Variants in ASS1 observed in about 807,000 individuals in gnomAD.
ASS1 encodes argininosuccinate synthase.
A neutral mutation model predicts 60.5 loss-of-function variants in ASS1; 58 were observed. The ratio of observed to expected loss-of-function variants is 0.96; its 90% CI spans 0.78 to 1.19. The LOEUF is 1.19. Ranked by LOEUF, ASS1 falls within the 50% of genes most tolerant of loss-of-function variation. The probability of loss-of-function intolerance (pLI) is 0.00; values close to 1 mark genes in which losing one functional copy is unlikely to be tolerated. For synonymous variants in ASS1, 200 were observed against 206.9 expected, an observed-to-expected ratio of 0.97 and a Z score of 0.29; for missense variants, 454 against 547.3, an observed-to-expected ratio of 0.83 and a Z score of 1.70.
At chr9:130,460,523 G>C (rs924765272) in intron 4 of ASS1, among the ~76,000 whole-genome samples, 1 of 152,224 alleles carries the variant, frequency 6.6e-6, no homozygotes, top group African/African-American at 2.4e-5. Context: ...GCAGCAGGCA[G>C]GGGCTGAGGA....
intron 12 of ASS1, among the ~76,000 whole-genome samples, chr9:130,492,520 A>G (rs1361832494): frequency 1.3e-5 from 2 of 152,002 alleles, no homozygotes; most frequent in African/African-American, 4.8e-5. Context: ...CTCTCCCACC[A>G]TTCCCAAATT....
At chr9:130,446,381 C>A (rs2131861417) in intron 1 of ASS1, among the ~76,000 whole-genome samples, 1 of 152,256 alleles carries the variant, frequency 6.6e-6, no homozygotes, top group South Asian at 2.1e-4. Flanking sequence ...CCATTCCAAA[C>A]TCCCTCTCCC....
At chr9:130,486,035 G>A (rs1280192297) in intron 11 of ASS1, among the ~76,000 whole-genome samples, 1 of 152,134 alleles carries the variant, frequency 6.6e-6, no homozygotes, top group African/African-American at 2.4e-5. Flanking sequence ...CACCGAGGCT[G>A]TAGTGCAGTG....
At chr9:130,500,830 GGA>G (rs1340622007) in intron 14 of ASS1, 144 bp from the exon 15 acceptor site, 10 of 749,050 alleles carry the variant, frequency 1.3e-5, no homozygotes, top group Non-Finnish European at 2.1e-5. Flanking sequence ...GGCCAGGGCG[GGA>G]GAGGGAATAG....
rs547166672 is a variant in ASS1 at position 130,477,695 on chromosome 9, C to T, written c.688+734C>T. ...TCAGAGGGAGGGCTCAGAGGGCGGG[C>T]TCAGAGGGCCTGAAGGGGTACCTTT... On this transcript the variant is annotated intron_variant, in intron 9 of 14. Transcript: ENST00000352480. This position sits in a 1 kb window ranked among gnomAD's most constrained non-coding sequence, Gnocchi z 4.2. Among the ~76,000 whole-genome samples the T allele has an allele frequency of 6.6e-6, 1 of 152,302 alleles. No homozygotes were observed. The highest frequency in any genetic ancestry group is 1.9e-4 in the East Asian group (1 of 5,176).
intron 5 of ASS1, among the ~76,000 whole-genome samples, chr9:130,465,760 G>T (rs563581161): frequency 1.7e-4 from 26 of 152,254 alleles, no homozygotes; most frequent in Non-Finnish European, 2.5e-4. Context: ...GAGGTGAGCC[G>T]TAATGAGCTC....
chr9:130,469,878 T>C (rs999144944), intron 6 of ASS1, among the ~76,000 whole-genome samples: 5 of 152,064 alleles, frequency 3.3e-5, no homozygotes, highest in African/African-American at 1.2e-4. Flanking sequence ...CTGCCTGTGG[T>C]TCCCACAGGG....
At position 130,488,006 on chromosome 9, in the gene ASS1, C is replaced by T. The variant is rs370829375; in HGVS notation, c.839-1327C>T. Among the ~76,000 whole-genome samples the T allele has an allele frequency of 2.6e-4, 39 of 152,194 alleles. No individual in the cohort carries two copies. Among genetic ancestry groups the T allele is most frequent in the African/African-American group, 8.9e-4 (37 of 41,518 alleles). ...CTGACCTGAGGTGATCCACCTGCCT[C>T]GGCCTCCCAAAGTGCTAGAATTATT... On this transcript the variant is annotated intron_variant, in intron 11 of 14. Transcript: ENST00000352480. This position sits in a 1 kb window ranked among gnomAD's most constrained non-coding sequence, Gnocchi z 5.2.
chr9:130,480,139 G>A (rs1297841569), intron 10 of ASS1, among the ~76,000 whole-genome samples: 1 of 152,194 alleles, frequency 6.6e-6, no homozygotes, highest in Non-Finnish European at 1.5e-5. Context: ...CAGGACACAG[G>A]GAACGGAAGG....
intron 5 of ASS1, among the ~76,000 whole-genome samples, chr9:130,465,644 C>T (rs1845721548): frequency 6.6e-6 from 1 of 152,148 alleles, no homozygotes; most frequent in South Asian, 2.1e-4. Flanking sequence ...GTTGCCCCCT[C>T]CTAAGCCCCC....
At chr9:130,466,108 C>A (rs1260530766) in intron 5 of ASS1, among the ~76,000 whole-genome samples, 5 of 152,202 alleles carry the variant, frequency 3.3e-5, no homozygotes, top group Non-Finnish European at 7.3e-5. Context: ...ATCTCCACCC[C>A]CACACACACA....
chr9:130,462,435 A>G lies in ASS1; in HGVS notation c.364-1676A>G, dbSNP rs115406431. Among the ~76,000 whole-genome samples the G allele has an allele frequency of 6.8e-3, 1,039 of 152,274 alleles. 13 individuals carry two copies. The highest frequency in any genetic ancestry group is 0.024 in the African/African-American group (993 of 41,566). On this transcript the variant is annotated intron_variant, in intron 4 of 14. Transcript: ENST00000352480. ...CTTGGGGTTCAGAGGGGGAAGGATT[A>G]GACTGGCCTCCTTGGCTCTTGCCTG...
intron 3 of ASS1, among the ~76,000 whole-genome samples, chr9:130,457,962 C>G (rs1225967275): frequency 6.6e-6 from 1 of 152,060 alleles, no homozygotes; most frequent in Non-Finnish European, 1.5e-5. Flanking sequence ...GGTTCAAGAC[C>G]AACCTGGCCA....
intron 5 of ASS1, among the ~76,000 whole-genome samples, chr9:130,465,898 A>G (rs542407789): frequency 2.6e-5 from 4 of 152,314 alleles, no homozygotes; most frequent in South Asian, 2.1e-4. Flanking sequence ...TTGTGGGGCC[A>G]GGGTGTCCAG....
chr9:130,455,245 T>C (rs1845422956), intron 3 of ASS1, among the ~76,000 whole-genome samples: 1 of 151,136 alleles, frequency 6.6e-6, no homozygotes, highest in Middle Eastern at 3.2e-3. Context: ...CATCCATCCA[T>C]TCATCCATCC....
In ASS1 at chr9:130,494,982, C is replaced by T. The variant is rs749133601; in HGVS notation, c.1086C>T (p.Gly362=). The stretch of plus-strand genomic sequence containing the variant: ...TCAAGGGCCAGGTGTACATCCTCGG[C>T]CGGGAGTCCCCACTGTCTCTCTACA... ...SVLKGQVYIL[G]RESPLSLYNE... is the part of the protein sequence containing the mutation. Residue 362 remains glycine, a synonymous_variant, in exon 13 of 15, where the codon GGC becomes GGT. Coordinates refer to ENST00000352480, the MANE Select transcript of ASS1 (RefSeq NM_054012.4). The surrounding 1 kb of genome is among the most constrained non-coding windows in gnomAD (Gnocchi z 4.3). 1.2e-6 allele frequency: 2 copies of T among 1,613,268 alleles called. No homozygotes were observed. Among genetic ancestry groups the T allele is most frequent in the South Asian group, 1.1e-5 (1 of 91,048 alleles).
At position 130,478,565 on chromosome 9, in the gene ASS1, A is replaced by G. The variant is rs1412053359; in HGVS notation, c.689-1151A>G. ...TGCCCATTCACTCTCTAGTTAATTT[A>G]TTTGAAGTTTTAATCTAATTATTAA... is the stretch of plus-strand genomic sequence containing the variant. On this transcript the variant is annotated intron_variant, in intron 9 of 14. Transcript: ENST00000352480. The surrounding 1 kb of genome is among the most constrained non-coding windows in gnomAD (Gnocchi z 4.7). Among the ~76,000 whole-genome samples the G allele has an allele frequency of 2.6e-5, 4 of 152,216 alleles. No individual in the cohort carries two copies. Among genetic ancestry groups the G allele is most frequent in the Non-Finnish European group, 5.9e-5 (4 of 68,040 alleles).
rs527614991 is a variant in ASS1 at position 130,489,894 on chromosome 9, C to T, written c.970+430C>T. Among the ~76,000 whole-genome samples the T allele has an allele frequency of 2.0e-5, 3 of 152,342 alleles. No homozygotes were observed. Among genetic ancestry groups the T allele is most frequent in the South Asian group, 4.1e-4 (2 of 4,822 alleles). The stretch of plus-strand genomic sequence containing the variant: ...AAGGAAAGCATAAAACCAGAAGTGG[C>T]CTAGCTGGGTTTGACCCCCAAGTCA... On this transcript the variant is annotated intron_variant, in intron 12 of 14. Coordinates refer to ENST00000352480, the MANE Select transcript of ASS1 (RefSeq NM_054012.4). The surrounding 1 kb of genome is among the most constrained non-coding windows in gnomAD (Gnocchi z 4.1).
Position 130,491,792 on chromosome 9 carries a change from G to A in ASS1, c.970+2328G>A, listed in dbSNP as rs1331044719. ...GGAAACAAAATCTCAGAGTGGAGGC[G>A]AGGGAGAGTAGGGGCTTCTTCTGGG... On this transcript the variant is annotated intron_variant, in intron 12 of 14. Transcript: ENST00000352480. The surrounding 1 kb of genome is among the most constrained non-coding windows in gnomAD (Gnocchi z 5.3). Among the ~76,000 whole-genome samples the A allele has an allele frequency of 6.6e-6, 1 of 152,202 alleles. No homozygotes were observed. Among genetic ancestry groups the A allele is most frequent in the Non-Finnish European group, 1.5e-5 (1 of 68,042 alleles).
Sources: gnomAD v4.1 joint callset for allele counts (sites outside exome capture counted in the v4.1 genomes callset) on GRCh38, gnomAD v4.1.1 for gene constraint, Gnocchi (gnomAD v3.1) non-coding constraint, MANE v1.5 for transcripts, NCBI Gene and HGNC (gene_info 2026-07-23, HGNC 2026-07-21) for gene names.